Variants in BRME1 observed in about 807,000 individuals in gnomAD.
BRME1 encodes break repair meiotic recombinase recruitment factor 1.
BRME1 carries 31 observed loss-of-function variants against 52.6 expected under a neutral mutation model. The observed-to-expected ratio is 0.59, with a 90% CI of 0.44 to 0.80. The LOEUF is 0.80. Ranked by LOEUF, BRME1 falls within the 30% of genes least tolerant of loss-of-function variation. The probability of loss-of-function intolerance (pLI) is 0.00; values close to 1 mark genes in which losing one functional copy is unlikely to be tolerated. For synonymous variants in BRME1, 359 were observed against 353.6 expected, an observed-to-expected ratio of 1.02 and a Z score of -0.17; for missense variants, 804 against 860.3, an observed-to-expected ratio of 0.93 and a Z score of 0.82.
rs1969306196 is a variant in BRME1 at position 13,889,575 on chromosome 19, C to T, written c.1281G>A (p.Glu427=). 1 of 1,612,860 alleles carries T rather than the reference C, an allele frequency of 6.2e-7. No individual in the cohort carries two copies. Among genetic ancestry groups the T allele is most frequent in the South Asian group, 1.1e-5 (1 of 91,068 alleles). The change falls in exon 6 of 9, where the codon GAG becomes GAA. Residue 427 remains glutamate, a synonymous_variant. Coordinates refer to ENST00000586783, the MANE Select transcript of BRME1 (RefSeq NM_001345843.2). Reference sequence around the variant, plus strand: ...CGGAATCTCCAGCACCCATCATGGACTCTCCGCTCCCAGGTGCCAGAGCCA... The same window carrying T: ...CGGAATCTCCAGCACCCATCATGGATTCTCCGCTCCCAGGTGCCAGAGCCA... ...ASLALAPGSG[E]SMMGAGDSGH... is the part of the protein sequence containing the mutation.
At chr19:13,903,315 T>C (rs1970421434) in intron 2 of BRME1, among the ~76,000 whole-genome samples, 1 of 152,084 alleles carries the variant, frequency 6.6e-6, no homozygotes, top group Non-Finnish European at 1.5e-5. Flanking sequence ...GTAGGATATT[T>C]GAGCAGCATC....
At chr19:13,893,738 G>A (rs568319619) in intron 3 of BRME1, among the ~76,000 whole-genome samples, 37 of 152,118 alleles carry the variant, frequency 2.4e-4, no homozygotes, top group African/African-American at 8.9e-4. Flanking sequence ...GCAACATAGT[G>A]AGACCCCTTT....
At chr19:13,886,638 C>T (rs1399813247) in intron 6 of BRME1, among the ~76,000 whole-genome samples, 1 of 152,018 alleles carries the variant, frequency 6.6e-6, no homozygotes, top group Non-Finnish European at 1.5e-5. Context: ...ATGTTAAGCT[C>T]CGTTACAGTG....
chr19:13,896,693 TA>T (rs368664608), intron 2 of BRME1, among the ~76,000 whole-genome samples: 1 of 149,394 alleles, frequency 6.7e-6, no homozygotes, highest in Non-Finnish European at 1.5e-5. Flanking sequence ...ACTATATATA[TA>T]TTTTTTCTTT....
intron 6 of BRME1, among the ~76,000 whole-genome samples, chr19:13,886,762 C>A (rs1350646488): frequency 6.9e-6 from 1 of 144,808 alleles, no homozygotes; most frequent in Non-Finnish European, 1.5e-5. Context: ...GAGTTCCAGA[C>A]CAGCCTGGGC....
At chr19:13,892,051 C>T (rs985463744) in intron 5 of BRME1, among the ~76,000 whole-genome samples, 10 of 146,486 alleles carry the variant, frequency 6.8e-5, no homozygotes, top group Admixed American at 2.7e-4. Context: ...CCAACCTGGG[C>T]GATAAGCAAG....
chr19:13,891,662 T>C (rs960493303), intron 5 of BRME1, among the ~76,000 whole-genome samples: 4 of 151,448 alleles, frequency 2.6e-5, no homozygotes, highest in Admixed American at 2.6e-4. Context: ...AGAGATGGCG[T>C]TGTGCCATGT....
intron 2 of BRME1, among the ~76,000 whole-genome samples, chr19:13,903,142 A>G (rs1599360295): frequency 6.6e-6 from 1 of 152,146 alleles, no homozygotes; most frequent in East Asian, 1.9e-4. Flanking sequence ...AAAGTCTGGA[A>G]GAAGAATTGT....
intron 3 of BRME1, among the ~76,000 whole-genome samples, chr19:13,895,032 C>T (rs1238036947): frequency 6.6e-6 from 1 of 152,038 alleles, no homozygotes; most frequent in African/African-American, 2.4e-5. Context: ...AGGTGCGCCA[C>T]CACACCCAGC....
At chr19:13,904,309 G>A (rs1970497444) in intron 2 of BRME1, among the ~76,000 whole-genome samples, 5 of 152,120 alleles carry the variant, frequency 3.3e-5, no homozygotes. Flanking sequence ...ATCTCGCTAT[G>A]TTGCCCAGGC....
At chr19:13,902,927 A>G (rs2145239070) in intron 2 of BRME1, among the ~76,000 whole-genome samples, 1 of 146,688 alleles carries the variant, frequency 6.8e-6, no homozygotes, top group Non-Finnish European at 1.5e-5. Context: ...CTCCGTCTCA[A>G]AAAAAAAAAA....
intron 6 of BRME1, among the ~76,000 whole-genome samples, chr19:13,887,701 A>G (rs985068071): frequency 6.6e-6 from 1 of 152,058 alleles, no homozygotes; most frequent in Non-Finnish European, 1.5e-5. Context: ...AGCTGTGCCC[A>G]GCACCAGAAC....
In BRME1 at chr19:13,890,453, C is replaced by A; in HGVS notation, c.403G>T (p.Ala135Ser). 2 of 1,493,976 alleles carry A rather than the reference C, an allele frequency of 1.3e-6. No individual in the cohort carries two copies. The highest frequency in any genetic ancestry group is 1.8e-6 in the Non-Finnish European group (2 of 1,127,486). 92.5% of individuals were successfully genotyped at this position (1,493,976 alleles called of 1,614,324 possible). A position where few individuals can be genotyped will look rare whatever the true frequency, so the allele number is the denominator to read the frequency against. Reference protein sequence around the residue: ...GSGAFSLETIAESSAQSPGCQ... With the variant: ...GSGAFSLETISESSAQSPGCQ... ...CCTGGACTCTGGGCGCTGGACTCTG[C>A]GATTGTTTCCTGTGGACAGAAAAAG... Residue 135 changes from alanine (A) to serine (S), a missense_variant, in exon 6 of 9, where the codon GCA (alanine) becomes TCA (serine). Ala to Ser is a moderately conservative substitution (Grantham distance 99, BLOSUM62 1). Coordinates refer to ENST00000586783, the MANE Select transcript of BRME1 (RefSeq NM_001345843.2).
In BRME1 at chr19:13,889,644, A is replaced by G; in HGVS notation, c.1212T>C (p.Asp404=). The stretch of plus-strand genomic sequence containing the variant: ...CTAGGACATCGCCGGGGGGCTTGCC[A>G]TCCTGCCCTGCCTCCCCACTTTCTC... ...TTGESGEAGQ[D]GKPPGDVLVG... is the part of the protein sequence containing the mutation. The change falls in exon 6 of 9, where the codon GAT becomes GAC. Residue 404 remains aspartate (D), a synonymous_variant. Coordinates refer to ENST00000586783, the MANE Select transcript of BRME1 (RefSeq NM_001345843.2). 1 of 1,608,956 alleles carries G rather than the reference A, an allele frequency of 6.2e-7. No individual in the cohort carries two copies. Among genetic ancestry groups the G allele is most frequent in the South Asian group, 1.1e-5 (1 of 90,640 alleles).
intron 2 of BRME1, among the ~76,000 whole-genome samples, chr19:13,900,174 G>A (rs998009619): frequency 6.6e-6 from 1 of 152,170 alleles, no homozygotes. Flanking sequence ...TTTCCTTCCT[G>A]TGATCTGTCC....
Position 13,889,881 on chromosome 19 carries a change from A to C in BRME1, c.975T>G (p.Thr325=), listed in dbSNP as rs756561302. 8.1e-6 allele frequency: 13 copies of C among 1,613,070 alleles called. No individual in the cohort carries two copies. In the South Asian group the frequency reaches 1.3e-4, roughly 16 times the overall value. ...PSRMGREGEG[T]HSSLGCSSLG... Reference sequence around the variant, plus strand: ...GGGAGGAGCATCCCAGGCTGCTATGAGTCCCTTCCCCTTCCCTACCCATCC... The same window carrying C: ...GGGAGGAGCATCCCAGGCTGCTATGCGTCCCTTCCCCTTCCCTACCCATCC... Residue 325 remains threonine, a synonymous_variant, in exon 6 of 9, where the codon ACT becomes ACG. Transcript: ENST00000586783.
In BRME1 at chr19:13,892,845, T is replaced by C; in HGVS notation, c.334A>G (p.Thr112Ala). ...FVPQFAKSRK[T>A]VTRKEEMKDE... ...TTCATCTCTTCTTTTCTTGTCACTG[T>C]CTTCCTGGATTTTGCAAACTGGGGA... Residue 112 changes from threonine to alanine, a missense_variant, in exon 5 of 9, where the codon ACA (threonine) becomes GCA (alanine). Physicochemically the swap from Thr to Ala is moderately conservative, Grantham distance 58. Coordinates refer to ENST00000586783, the MANE Select transcript of BRME1 (RefSeq NM_001345843.2). The C allele has an allele frequency of 6.2e-7, 1 of 1,614,224 alleles. No homozygotes were observed.
chr19:13,891,274 C>A (rs1339149054), intron 5 of BRME1, among the ~76,000 whole-genome samples: 1 of 151,378 alleles, frequency 6.6e-6, no homozygotes, highest in Non-Finnish European at 1.5e-5. Context: ...CTCAGCCTCC[C>A]GAGTAGCTGG....
rs1374589421 is a variant in BRME1, at chr19:13,889,359, C to CT, written c.1496dup (p.Gln500AlafsTer50). The CT allele has an allele frequency of 1.2e-6, 2 of 1,614,008 alleles. No homozygotes were observed. The highest frequency in any genetic ancestry group is 2.7e-5 in the African/African-American group (2 of 74,922). On this transcript the variant is annotated frameshift_variant, in exon 6 of 9. Coordinates refer to ENST00000586783, the MANE Select transcript of BRME1 (RefSeq NM_001345843.2). LOFTEE classifies it high-confidence loss of function. ...CTGAGGTGGTGTCTGGAATGCCCTG[C>CT]TGAGCCCCGGGCTCCTGGAGAGGGT...
Sources: gnomAD v4.1 joint callset for allele counts (sites outside exome capture counted in the v4.1 genomes callset) on GRCh38, gnomAD v4.1.1 for gene constraint, MANE v1.5 for transcripts, NCBI Gene and HGNC (gene_info 2026-07-23, HGNC 2026-07-21) for gene names.